The following LMBR1 variants were observed in gnomAD, a reference collection of about 807,000 sequenced individuals.
LMBR1 encodes the protein limb region 1 protein homolog.
LMBR1 carries 52 observed loss-of-function variants against 73.9 expected under a neutral mutation model. The ratio of observed to expected loss-of-function variants is 0.70; its 90% CI spans 0.56 to 0.89. LMBR1 has a LOEUF of 0.89. LMBR1 is among the 40% of genes least tolerant of loss of function. The probability of loss-of-function intolerance (pLI) is 0.00; values close to 1 mark genes in which losing one functional copy is unlikely to be tolerated. For synonymous variants in LMBR1, 215 were observed against 209.4 expected, an observed-to-expected ratio of 1.03 and a Z score of -0.23; for missense variants, 539 against 579.8, an observed-to-expected ratio of 0.93 and a Z score of 0.72.
chr7:156,812,091 G>C (rs183031409), intron 4 of LMBR1, among the ~76,000 whole-genome samples: 2 of 152,268 alleles, frequency 1.3e-5, no homozygotes, highest in East Asian at 3.9e-4. Flanking sequence ...CACTAATTAT[G>C]TCTACAAAGA....
chr7:156,794,088 A>T (rs1829688664), intron 5 of LMBR1, among the ~76,000 whole-genome samples: 1 of 152,164 alleles, frequency 6.6e-6, no homozygotes, highest in African/African-American at 2.4e-5. Flanking sequence ...AAGTTGGACA[A>T]ATGGCAGTCG....
At chr7:156,733,086 AG>A (rs2132482578) in intron 10 of LMBR1, among the ~76,000 whole-genome samples, 1 of 152,298 alleles carries the variant, frequency 6.6e-6, no homozygotes, top group African/African-American at 2.4e-5. Context: ...CGGAGGTTGC[AG>A]TGAGTTGAGA....
chr7:156,762,691 T>C (rs997771224), intron 7 of LMBR1, among the ~76,000 whole-genome samples: 3 of 152,224 alleles, frequency 2.0e-5, no homozygotes, highest in Admixed American at 1.3e-4. Context: ...AAACTTATCA[T>C]ACATAATTCT....
chr7:156,766,935 C>A (rs1195502364), intron 5 of LMBR1, among the ~76,000 whole-genome samples: 1 of 152,132 alleles, frequency 6.6e-6, no homozygotes, highest in Non-Finnish European at 1.5e-5. Flanking sequence ...GAATAAACAG[C>A]GTCAGGAATG....
At chr7:156,856,144 G>A (rs1418760398) in intron 1 of LMBR1, among the ~76,000 whole-genome samples, 4 of 151,988 alleles carry the variant, frequency 2.6e-5, no homozygotes, top group Admixed American at 6.6e-5. Context: ...GCAGTGAGCC[G>A]AGATCGCACC....
At chr7:156,826,298 T>A (rs866359180) in intron 4 of LMBR1, among the ~76,000 whole-genome samples, 17 of 152,180 alleles carry the variant, frequency 1.1e-4, no homozygotes, top group African/African-American at 4.1e-4. Flanking sequence ...AGTTCTTAAA[T>A]GGAGGTTGAG....
intron 3 of LMBR1, among the ~76,000 whole-genome samples, chr7:156,827,877 T>C (rs552094134): frequency 6.6e-6 from 1 of 152,130 alleles, no homozygotes; most frequent in Non-Finnish European, 1.5e-5. Flanking sequence ...AATTTTAAAA[T>C]ACAGACCATA....
intron 15 of LMBR1, among the ~76,000 whole-genome samples, chr7:156,706,888 CA>C (rs555891047): frequency 1.6e-4 from 22 of 133,878 alleles, no homozygotes; most frequent in African/African-American, 2.5e-4. Flanking sequence ...AGAGCAGAAC[CA>C]AAAAAAAAAC....
rs138905233 is a variant in LMBR1, at chr7:156,683,017, T to C, written c.*1061A>G. On this transcript the variant is annotated 3_prime_UTR_variant, in exon 17 of 17. Transcript: ENST00000353442. Reference sequence around the variant, plus strand: ...AATTATTTACAATTTAATAACTGAATGATTATCAGATCGTGTTATACTGCA... The same window carrying C: ...AATTATTTACAATTTAATAACTGAACGATTATCAGATCGTGTTATACTGCA... 8.9e-4 allele frequency: 136 copies of C among 152,376 alleles called. 1 individual carries two copies. The highest frequency in any genetic ancestry group is 3.1e-3 in the African/African-American group (129 of 41,600). 9.4% of individuals were successfully genotyped at this position (152,376 alleles called of 1,614,324 possible).
intron 5 of LMBR1, among the ~76,000 whole-genome samples, chr7:156,795,508 A>T (rs559449472): frequency 1.3e-5 from 2 of 152,280 alleles, no homozygotes. Context: ...ATGTTTCCAA[A>T]ATTCTACAGA....
chr7:156,710,018 C>A, intron 15 of LMBR1, among the ~76,000 whole-genome samples: 1 of 150,152 alleles, frequency 6.7e-6, no homozygotes, highest in Admixed American at 6.7e-5. Flanking sequence ...CATTCTCCTG[C>A]CTCAATCTCC....
intron 5 of LMBR1, among the ~76,000 whole-genome samples, chr7:156,774,606 C>A (rs770474831): frequency 6.6e-6 from 1 of 152,094 alleles, no homozygotes; most frequent in East Asian, 1.9e-4. Context: ...CTGAGGTGGG[C>A]AGATCATCTG....
At chr7:156,724,764 CTGTGTGTG>C (rs71189961) in intron 14 of LMBR1, among the ~76,000 whole-genome samples, 10,253 of 146,430 alleles carry the variant, frequency 0.07, 763 homozygotes, top group African/African-American at 0.19. Flanking sequence ...AAAGAAATAG[CTGTGTGTG>C]TGTGTGTGTG....
At chr7:156,765,729 C>T (rs1052716178) in intron 5 of LMBR1, among the ~76,000 whole-genome samples, 4 of 152,088 alleles carry the variant, frequency 2.6e-5, no homozygotes, top group African/African-American at 7.2e-5. Context: ...TTTGTTCTAG[C>T]GTTTGTGTTA....
chr7:156,730,637 T>A (rs1585422237), intron 10 of LMBR1, among the ~76,000 whole-genome samples: 1 of 152,068 alleles, frequency 6.6e-6, no homozygotes, highest in East Asian at 1.9e-4. Context: ...AATTAAACAT[T>A]ACCAGATATG....
At chr7:156,839,006 C>G (rs1483416521) in intron 1 of LMBR1, among the ~76,000 whole-genome samples, 1 of 142,656 alleles carries the variant, frequency 7.0e-6, no homozygotes, top group Admixed American at 7.0e-5. Flanking sequence ...TATTGGCCAT[C>G]TGTATGTCTT....
intron 4 of LMBR1, among the ~76,000 whole-genome samples, chr7:156,806,230 G>A: frequency 6.6e-6 from 1 of 152,054 alleles, no homozygotes; most frequent in East Asian, 1.9e-4. Flanking sequence ...TCGTATTTTT[G>A]ATGCTATTGC....
chr7:156,672,218 C>T (rs1563097677), intron 4 of LMBR1, among the ~76,000 whole-genome samples: 2 of 152,224 alleles, frequency 1.3e-5, no homozygotes, highest in African/African-American at 4.8e-5. Flanking sequence ...ACTGACAAGT[C>T]TGTTTCTTTC....
At chr7:156,722,867 T>C (rs1040996289) in intron 15 of LMBR1, among the ~76,000 whole-genome samples, 7 of 152,144 alleles carry the variant, frequency 4.6e-5, no homozygotes, top group African/African-American at 1.2e-4. Flanking sequence ...TATTAATGAT[T>C]AGCAATCAAT....
Sources: gnomAD v4.1 joint callset for allele counts (sites outside exome capture counted in the v4.1 genomes callset) on GRCh38, gnomAD v4.1.1 for gene constraint, MANE v1.5 for transcripts, NCBI Gene and HGNC (gene_info 2026-07-23, HGNC 2026-07-21) for gene names.